Variants in CNTNAP4 observed in about 807,000 individuals in gnomAD.
CNTNAP4 encodes the protein contactin-associated protein-like 4.
In CNTNAP4, 98 loss-of-function variants were observed where a neutral mutation model predicts 148.4. That is an observed-to-expected ratio of 0.66 (90% confidence interval 0.56 to 0.78). The LOEUF is 0.78. CNTNAP4 is among the 30% of genes least tolerant of loss of function. The pLI, the probability that CNTNAP4 is intolerant of heterozygous loss-of-function variation, is 0.00. For synonymous variants in CNTNAP4, 730 were observed against 565.1 expected (o/e 1.29, Z -4.14); for missense variants, 1,935 against 1,565.6 (o/e 1.24, Z -3.98).
chr16:76,419,358 T>C (rs1437882622), intron 3 of CNTNAP4, among the ~76,000 whole-genome samples: 1 of 152,006 alleles, frequency 6.6e-6, no homozygotes, highest in East Asian at 1.9e-4. Context: ...AAGAAAACCC[T>C]GAGCATACTT....
At chr16:76,384,904 A>G (rs941807061) in intron 3 of CNTNAP4, among the ~76,000 whole-genome samples, 1 of 152,226 alleles carries the variant, frequency 6.6e-6, no homozygotes, top group Non-Finnish European at 1.5e-5. Flanking sequence ...ATATTTTTCA[A>G]TACATGAGCC....
intron 2 of CNTNAP4, among the ~76,000 whole-genome samples, chr16:76,351,251 T>C (rs62049730): frequency 0.056 from 8,596 of 152,192 alleles, 354 homozygotes; most frequent in Middle Eastern, 0.085. Context: ...AATATTACAA[T>C]AGTGTGTTTC....
intron 7 of CNTNAP4, 82 bp from the exon 8 acceptor site, chr16:76,452,426 G>C: frequency 7.1e-7 from 1 of 1,405,704 alleles, no homozygotes; most frequent in Middle Eastern, 1.8e-4. Flanking sequence ...GATAATGTGA[G>C]ATTGAAAAGC....
At chr16:76,391,920 C>T (rs1293552736) in intron 3 of CNTNAP4, among the ~76,000 whole-genome samples, 2 of 152,144 alleles carry the variant, frequency 1.3e-5, no homozygotes, top group Non-Finnish European at 2.9e-5. Context: ...CAGGACTTAG[C>T]TTGTATTTTC....
chr16:76,377,163 T>G (rs969601887), intron 3 of CNTNAP4, among the ~76,000 whole-genome samples: 1 of 152,092 alleles, frequency 6.6e-6, no homozygotes, highest in African/African-American at 2.4e-5. Flanking sequence ...TTTTTTCATA[T>G]ATTGAGACCT....
At chr16:76,482,299 A>T (rs1054731751) in intron 12 of CNTNAP4, among the ~76,000 whole-genome samples, 2 of 152,152 alleles carry the variant, frequency 1.3e-5, no homozygotes, top group Non-Finnish European at 2.9e-5. Flanking sequence ...CATAGCTATG[A>T]GGTGTGAGAA....
At chr16:76,458,849 G>T (rs1470854124) in intron 8 of CNTNAP4, among the ~76,000 whole-genome samples, 1 of 152,150 alleles carries the variant, frequency 6.6e-6, no homozygotes, top group Non-Finnish European at 1.5e-5. Flanking sequence ...TAATGGGATT[G>T]CTGGGTCGAA....
chr16:76,370,981 CT>C (rs2014751880), intron 3 of CNTNAP4, among the ~76,000 whole-genome samples: 1 of 152,002 alleles, frequency 6.6e-6, no homozygotes, highest in South Asian at 2.1e-4. Context: ...CAAGAACAGT[CT>C]TTCAATGTCC....
intron 2 of CNTNAP4, among the ~76,000 whole-genome samples, chr16:76,323,982 G>A (rs182859205): frequency 2.6e-5 from 4 of 152,268 alleles, no homozygotes; most frequent in East Asian, 1.9e-4. Context: ...CTATGACAAC[G>A]TACTCTTCTT....
intron 4 of CNTNAP4, 41 bp downstream of exon 4, chr16:76,427,640 AAG>A (rs1234668114): frequency 1.3e-6 from 2 of 1,510,956 alleles, no homozygotes; most frequent in Non-Finnish European, 1.8e-6. Context: ...TAGATATCAA[AAG>A]AGATGTTTTA....
At chr16:76,490,595 C>G (rs186136970) in intron 13 of CNTNAP4, among the ~76,000 whole-genome samples, 1 of 152,316 alleles carries the variant, frequency 6.6e-6, no homozygotes, top group African/African-American at 2.4e-5. Flanking sequence ...TTCACATCTT[C>G]TAACCATCCA....
intron 2 of CNTNAP4, among the ~76,000 whole-genome samples, chr16:76,322,463 G>A (rs16944222): frequency 0.12 from 18,898 of 152,158 alleles, 2,020 homozygotes; most frequent in East Asian, 0.48. Context: ...GTTGAAGAGC[G>A]ACTTCTTTGG....
intron 2 of CNTNAP4, among the ~76,000 whole-genome samples, chr16:76,344,158 G>A (rs1023574884): frequency 6.6e-6 from 1 of 151,980 alleles, no homozygotes; most frequent in Admixed American, 6.6e-5. Context: ...ATGTATGTAT[G>A]TATATGTACA....
At chr16:76,310,336 A>T (rs983326302) in intron 1 of CNTNAP4, among the ~76,000 whole-genome samples, 5 of 152,148 alleles carry the variant, frequency 3.3e-5, no homozygotes, top group African/African-American at 1.2e-4. Flanking sequence ...TTGACTAACA[A>T]GTAATATTTT....
At chr16:76,323,501 A>T (rs1383094621) in intron 2 of CNTNAP4, among the ~76,000 whole-genome samples, 1 of 152,132 alleles carries the variant, frequency 6.6e-6, no homozygotes. Context: ...TTACACATTT[A>T]TTTCTAAATA....
intron 3 of CNTNAP4, among the ~76,000 whole-genome samples, chr16:76,400,259 A>G (rs2078361702): frequency 6.6e-6 from 1 of 152,192 alleles, no homozygotes; most frequent in African/African-American, 2.4e-5. Flanking sequence ...ATACTTATAT[A>G]CATTGTGGAA....
At chr16:76,412,344 A>G (rs1048145185) in intron 3 of CNTNAP4, among the ~76,000 whole-genome samples, 5 of 151,382 alleles carry the variant, frequency 3.3e-5, no homozygotes, top group African/African-American at 1.2e-4. Flanking sequence ...AAACTGCCTG[A>G]TTTTGCGCTG....
At chr16:76,492,468 C>G (rs576059094) in intron 13 of CNTNAP4, among the ~76,000 whole-genome samples, 131 of 152,274 alleles carry the variant, frequency 8.6e-4, no homozygotes, top group African/African-American at 3.1e-3. Flanking sequence ...AGAAGTCAAG[C>G]TGTAACAGAA....
intron 3 of CNTNAP4, among the ~76,000 whole-genome samples, chr16:76,371,163 G>A (rs1489452832): frequency 6.6e-6 from 1 of 152,138 alleles, no homozygotes. Flanking sequence ...TTTCTATGTG[G>A]GAAAAAATAG....
Sources: gnomAD v4.1 joint callset for allele counts (sites outside exome capture counted in the v4.1 genomes callset) on GRCh38, gnomAD v4.1.1 for gene constraint, MANE v1.5 for transcripts, NCBI Gene and HGNC (gene_info 2026-07-23, HGNC 2026-07-21) for gene names.